GRID1: variants seen among roughly 807,000 people sequenced by gnomAD.
The protein encoded by GRID1 is glutamate ionotropic receptor delta type subunit 1, also known as glutamate receptor ionotropic, delta-1.
Under a neutral mutation model 98.0 loss-of-function variants are expected in GRID1, and 28 were observed. That is an observed-to-expected ratio of 0.29 (90% CI 0.21 to 0.39). The LOEUF (loss-of-function observed/expected upper bound fraction) is 0.39, where lower values mean the gene tolerates loss of function less well. Among genes scored for constraint, GRID1 ranks in the 10% least tolerant of loss-of-function variants. The probability of loss-of-function intolerance (pLI) is 1.00; values close to 1 mark genes in which losing one functional copy is unlikely to be tolerated. For synonymous variants in GRID1, 553 were observed against 538.5 expected, an observed-to-expected ratio of 1.03 and a Z score of -0.37; for missense variants, 1,111 against 1,340.5, an observed-to-expected ratio of 0.83 and a Z score of 2.67.
chr10:86,049,810 C>CTCT (rs901425262), intron 4 of GRID1, among the ~76,000 whole-genome samples: 23 of 152,104 alleles, frequency 1.5e-4, no homozygotes, highest in African/African-American at 5.6e-4. Flanking sequence ...TGCAACTCAC[C>CTCT]TCTTCTTCTT....
At chr10:85,738,279 A>T (rs532951365) in intron 8 of GRID1, among the ~76,000 whole-genome samples, 120 of 152,212 alleles carry the variant, frequency 7.9e-4, no homozygotes, top group Non-Finnish European at 1.3e-3. Context: ...TGCACATGAA[A>T]ACATACATGC....
intron 8 of GRID1, among the ~76,000 whole-genome samples, chr10:85,800,251 A>G (rs1842563596): frequency 6.6e-6 from 1 of 152,050 alleles, no homozygotes; most frequent in South Asian, 2.1e-4. Flanking sequence ...ATTATAGAAG[A>G]TGTGAACAAC....
At chr10:85,996,262 G>A (rs757159452) in intron 4 of GRID1, among the ~76,000 whole-genome samples, 55 of 152,206 alleles carry the variant, frequency 3.6e-4, no homozygotes, top group Non-Finnish European at 7.3e-5. Flanking sequence ...CAAAGATGAC[G>A]TGGATGTAAT....
At chr10:86,024,254 C>T (rs1266232703) in intron 4 of GRID1, among the ~76,000 whole-genome samples, 1 of 152,168 alleles carries the variant, frequency 6.6e-6, no homozygotes, top group Non-Finnish European at 1.5e-5. Context: ...CATTCTTCTT[C>T]CGCTATCACC....
intron 8 of GRID1, among the ~76,000 whole-genome samples, chr10:85,824,285 C>T (rs766697595): frequency 1.3e-5 from 2 of 152,180 alleles, no homozygotes; most frequent in Non-Finnish European, 2.9e-5. Context: ...GATCTTGGCT[C>T]ACTGCAACCT....
intron 4 of GRID1, among the ~76,000 whole-genome samples, chr10:85,972,118 T>C (rs1842415476): frequency 6.6e-6 from 1 of 151,702 alleles, no homozygotes; most frequent in Non-Finnish European, 1.5e-5. Flanking sequence ...TCTCATGTTG[T>C]GTCTCAGAAA....
chr10:86,182,007 G>A (rs1049513963), intron 3 of GRID1, among the ~76,000 whole-genome samples: 2 of 152,196 alleles, frequency 1.3e-5, no homozygotes, highest in Admixed American at 6.5e-5. Flanking sequence ...TGCTGGCATG[G>A]AGCAAACAAC....
intron 3 of GRID1, among the ~76,000 whole-genome samples, chr10:86,175,699 G>A (rs1278563574): frequency 6.6e-6 from 1 of 151,794 alleles, no homozygotes; most frequent in Non-Finnish European, 1.5e-5. Context: ...TTCACTTAGG[G>A]GGAATGAGTC....
At chr10:85,901,412 A>G (rs1489845649) in intron 5 of GRID1, among the ~76,000 whole-genome samples, 2 of 151,788 alleles carry the variant, frequency 1.3e-5, no homozygotes, top group Non-Finnish European at 2.9e-5. Flanking sequence ...ATGCCCGGCT[A>G]ATTGTTTTTG....
intron 4 of GRID1, among the ~76,000 whole-genome samples, chr10:86,050,143 T>C (rs755179912): frequency 6.6e-6 from 1 of 152,088 alleles, no homozygotes; most frequent in Non-Finnish European, 1.5e-5. Flanking sequence ...GTCAATACAC[T>C]TAAGAGGGGT....
intron 4 of GRID1, among the ~76,000 whole-genome samples, chr10:86,031,695 C>T (rs774436583): frequency 1.2e-4 from 19 of 152,122 alleles, no homozygotes; most frequent in Non-Finnish European, 2.5e-4. Flanking sequence ...AGGCCTCCTT[C>T]CTTTCCCTTC....
intron 8 of GRID1, among the ~76,000 whole-genome samples, chr10:85,786,762 C>T (rs1195622923): frequency 6.6e-6 from 1 of 152,336 alleles, no homozygotes; most frequent in Non-Finnish European, 1.5e-5. Context: ...CCCGCCAGGA[C>T]CCGGCTGATA....
chr10:85,703,713 G>T (rs892315739), intron 12 of GRID1, among the ~76,000 whole-genome samples: 9 of 152,006 alleles, frequency 5.9e-5, no homozygotes, highest in Non-Finnish European at 1.0e-4. Flanking sequence ...AATAATAATG[G>T]TAACAGAATG....
intron 2 of GRID1, among the ~76,000 whole-genome samples, chr10:86,261,577 T>C (rs1379226171): frequency 1.3e-5 from 2 of 152,124 alleles, no homozygotes; most frequent in African/African-American, 2.4e-5. Context: ...GCCAGGGGCG[T>C]TTTCCTCTTC....
At chr10:85,701,521 G>C (rs572912148) in intron 12 of GRID1, among the ~76,000 whole-genome samples, 26 of 152,256 alleles carry the variant, frequency 1.7e-4, no homozygotes, top group African/African-American at 6.0e-4. Flanking sequence ...GCACAGTTTT[G>C]ATAATGGGGA....
At chr10:86,355,963 A>G (rs1167607910) in intron 2 of GRID1, among the ~76,000 whole-genome samples, 1 of 152,226 alleles carries the variant, frequency 6.6e-6, no homozygotes, top group Non-Finnish European at 1.5e-5. Flanking sequence ...CAGACTTGCC[A>G]AAGTCCAGCT....
At chr10:85,746,993 A>G (rs1023997251) in intron 8 of GRID1, among the ~76,000 whole-genome samples, 2 of 152,120 alleles carry the variant, frequency 1.3e-5, no homozygotes, top group African/African-American at 4.8e-5. Context: ...GCTGCCTCCC[A>G]TACAGTAGGT....
At chr10:86,123,850 C>T (rs4077384) in intron 4 of GRID1, among the ~76,000 whole-genome samples, 136,015 of 152,232 alleles carry the variant, frequency 0.89, 60,827 homozygotes, top group East Asian at 1. Flanking sequence ...GAAGCTGCCA[C>T]GGTGGCTGCC....
At chr10:86,068,125 C>T (rs754990217) in intron 4 of GRID1, among the ~76,000 whole-genome samples, 43 of 152,276 alleles carry the variant, frequency 2.8e-4, no homozygotes, top group East Asian at 3.9e-4. Context: ...TATGGGAAAA[C>T]GTCGCCATTT....
Sources: allele counts gnomAD v4.1 joint callset (sites outside exome capture counted in the v4.1 genomes callset), GRCh38; gene constraint gnomAD v4.1.1; transcripts MANE v1.5; gene names NCBI Gene and HGNC (gene_info 2026-07-23, HGNC 2026-07-21).